Variants in SMYD3 observed in about 807,000 individuals in gnomAD.
The protein encoded by SMYD3 is histone-lysine N-methyltransferase SMYD3.
SMYD3 carries 36 observed loss-of-function variants against 57.7 expected under a neutral mutation model. The observed-to-expected ratio is 0.62, with a 90% confidence interval of 0.48 to 0.82. The LOEUF (loss-of-function observed/expected upper bound fraction) is 0.82, where lower values mean the gene tolerates loss of function less well. Among genes scored for constraint, SMYD3 ranks in the 40% least tolerant of loss-of-function variants. The pLI is 0.00. For missense variants in SMYD3, 515 were observed against 538.8 expected, an observed-to-expected ratio of 0.96 and a Z score of 0.44; for synonymous variants, 211 against 195.0, an observed-to-expected ratio of 1.08 and a Z score of -0.68.
At chr1:245,772,459 G>A (rs2046375850) in intron 10 of SMYD3, among the ~76,000 whole-genome samples, 1 of 152,058 alleles carries the variant, frequency 6.6e-6, no homozygotes, top group African/African-American at 2.4e-5. Context: ...AGTGCAGCCT[G>A]GGTAACATAG....
intron 5 of SMYD3, among the ~76,000 whole-genome samples, chr1:246,027,999 C>T (rs750033353): frequency 2.1e-4 from 32 of 152,110 alleles, no homozygotes; most frequent in Non-Finnish European, 3.4e-4. Flanking sequence ...TCATGGATGA[C>T]TTTGAGGGGG....
intron 5 of SMYD3, among the ~76,000 whole-genome samples, chr1:246,068,285 C>CA (rs71726233): frequency 0.056 from 6,389 of 114,470 alleles, 309 homozygotes; most frequent in African/African-American, 0.13. Flanking sequence ...TACAGGTCAG[C>CA]AAAAAAAAAA....
chr1:245,880,604 C>G (rs980862746), intron 8 of SMYD3, among the ~76,000 whole-genome samples: 1 of 152,164 alleles, frequency 6.6e-6, no homozygotes, highest in Admixed American at 6.5e-5. Flanking sequence ...CAGTCCAATC[C>G]TTATAGAAGA....
chr1:246,001,849 A>C (rs2059053461), intron 5 of SMYD3, among the ~76,000 whole-genome samples: 1 of 152,178 alleles, frequency 6.6e-6, no homozygotes, highest in Admixed American at 6.5e-5. Context: ...GAAGAGCATT[A>C]AACTGGCCAG....
chr1:246,270,907 G>C (rs2064208044), intron 5 of SMYD3, among the ~76,000 whole-genome samples: 1 of 152,156 alleles, frequency 6.6e-6, no homozygotes, highest in South Asian at 2.1e-4. Flanking sequence ...GTTTGCCACA[G>C]TGGCTATACA....
chr1:245,815,791 T>C (rs1000407528), intron 10 of SMYD3, among the ~76,000 whole-genome samples: 3 of 152,250 alleles, frequency 2.0e-5, no homozygotes, highest in Non-Finnish European at 2.9e-5. Context: ...TGAAAATCGC[T>C]GTTTTTACAA....
chr1:245,756,901 T>TGA, intron 11 of SMYD3, among the ~76,000 whole-genome samples: 1 of 152,052 alleles, frequency 6.6e-6, no homozygotes, highest in South Asian at 2.1e-4. Flanking sequence ...CTTAGCTTCT[T>TGA]AAATCTACAG....
intron 5 of SMYD3, among the ~76,000 whole-genome samples, chr1:246,220,511 G>C (rs115655999): frequency 0.18 from 26,951 of 152,036 alleles, 2,757 homozygotes; most frequent in East Asian, 0.34. Context: ...GAAGGCCCCT[G>C]ACTGCACTCA....
chr1:246,344,554 T>C (rs1482744607), intron 2 of SMYD3, among the ~76,000 whole-genome samples: 1 of 152,224 alleles, frequency 6.6e-6, no homozygotes, highest in Non-Finnish European at 1.5e-5. Flanking sequence ...AAGTTGTTTT[T>C]GTAGATGTAA....
intron 5 of SMYD3, among the ~76,000 whole-genome samples, chr1:246,014,383 T>C (rs2059340448): frequency 6.6e-6 from 1 of 152,280 alleles, no homozygotes; most frequent in South Asian, 2.1e-4. Context: ...GTGCGGCCTA[T>C]ATGATTTCCT....
At chr1:246,418,371 G>C (rs538422739) in intron 1 of SMYD3, among the ~76,000 whole-genome samples, 1 of 152,316 alleles carries the variant, frequency 6.6e-6, no homozygotes, top group South Asian at 2.1e-4. Flanking sequence ...AAACCTCTAG[G>C]GGGAGCATAC....
At position 246,165,690 on chromosome 1, in the gene SMYD3, A is replaced by T. The variant is rs113548634; in HGVS notation, c.531+161511T>A. ...TCACAGGTTTTTAAGGTGAGCTTAGATGCAAATGGTAAAAGTGAATAAAGG... is the reference window on the plus strand; with the variant it reads ...TCACAGGTTTTTAAGGTGAGCTTAGTTGCAAATGGTAAAAGTGAATAAAGG... On this transcript the variant is annotated intron_variant, in intron 5 of 11. Coordinates refer to ENST00000490107, the MANE Select transcript of SMYD3 (RefSeq NM_001167740.2). Among the ~76,000 whole-genome samples the T allele has an allele frequency of 1.6e-3, 246 of 152,306 alleles. 1 individual carries two copies. The highest frequency in any genetic ancestry group is 5.5e-3 in the African/African-American group (228 of 41,574).
rs924418029 is a variant in SMYD3, at chr1:246,220,764, C to T, written c.531+106437G>A. Among the ~76,000 whole-genome samples, 7 of 152,166 alleles carry T rather than the reference C, an allele frequency of 4.6e-5. No homozygotes were observed. The East Asian group carries it at 5.8e-4, about 13-fold the overall frequency. On this transcript the variant is annotated intron_variant, in intron 5 of 11. Transcript: ENST00000490107. Reference sequence around the variant, plus strand: ...GAGTGGAAACTTGTGGTGCCTTTTCCGGCCCACCCATGGCCACCTATGGAC... The same window carrying T: ...GAGTGGAAACTTGTGGTGCCTTTTCTGGCCCACCCATGGCCACCTATGGAC...
At chr1:246,060,876 ATTCC>A (rs2060240930) in intron 5 of SMYD3, among the ~76,000 whole-genome samples, 1 of 152,216 alleles carries the variant, frequency 6.6e-6, no homozygotes, top group Non-Finnish European at 1.5e-5. Flanking sequence ...ACACACATCT[ATTCC>A]TTTTCATTCC....
intron 5 of SMYD3, among the ~76,000 whole-genome samples, chr1:246,291,392 G>C (rs2064687854): frequency 6.6e-6 from 1 of 152,178 alleles, no homozygotes; most frequent in Admixed American, 6.5e-5. Flanking sequence ...TGTTTATGGA[G>C]ACCACGAGGC....
chr1:245,874,150 C>T (rs960363832), intron 8 of SMYD3, among the ~76,000 whole-genome samples: 1 of 152,188 alleles, frequency 6.6e-6, no homozygotes, highest in African/African-American at 2.4e-5. Flanking sequence ...GTATAAACAA[C>T]CCCAGCCATA....
intron 1 of SMYD3, among the ~76,000 whole-genome samples, chr1:246,371,085 T>G (rs2066184125): frequency 6.6e-6 from 1 of 152,230 alleles, no homozygotes. Context: ...TAACATTCTG[T>G]TTGCTTTAGG....
At position 245,920,131 on chromosome 1, in the gene SMYD3, G is replaced by A. The variant is rs540759978; in HGVS notation, c.703-4491C>T. 3.3e-5 allele frequency among the ~76,000 whole-genome samples: 5 copies of A among 152,150 alleles called. 1 individual carries two copies. The South Asian group carries it at 1.0e-3, about 32-fold the overall frequency. On this transcript the variant is annotated intron_variant, in intron 7 of 11. Transcript: ENST00000490107. ...GATTGAGACCATCCTGGCTAACACG[G>A]TGAAACCCCGTCTCTACTAAAAATA...
intron 11 of SMYD3, among the ~76,000 whole-genome samples, chr1:245,755,723 G>T (rs2045577673): frequency 6.6e-6 from 1 of 151,814 alleles, no homozygotes; most frequent in South Asian, 2.1e-4. Flanking sequence ...TCTTTTGATT[G>T]TGTTTTTATA....
Sources: allele counts gnomAD v4.1 joint callset (sites outside exome capture counted in the v4.1 genomes callset), GRCh38; gene constraint gnomAD v4.1.1; transcripts MANE v1.5; gene names NCBI Gene and HGNC (gene_info 2026-07-23, HGNC 2026-07-21).